MAML2: variants seen among roughly 807,000 people sequenced by gnomAD.
MAML2 encodes mastermind like transcriptional coactivator 2, also known as mastermind-like protein 2.
In MAML2, 22 loss-of-function variants were observed where a neutral mutation model predicts 96.1. The observed-to-expected ratio is 0.23, with a 90% confidence interval of 0.16 to 0.33. The LOEUF (loss-of-function observed/expected upper bound fraction) is 0.33, where lower values mean the gene tolerates loss of function less well. Among genes scored for constraint, MAML2 ranks in the 10% least tolerant of loss-of-function variants. MAML2 has a pLI of 1.00. For synonymous variants in MAML2, 561 were observed against 521.3 expected (o/e 1.08, Z -1.04); for missense variants, 1,367 against 1,392.4 (o/e 0.98, Z 0.29).
Position 96,321,304 on chromosome 11 carries a change from T to A in MAML2, c.513+20079A>T, listed in dbSNP as rs115655457. On this transcript the variant is annotated intron_variant, in intron 1 of 4. Coordinates refer to ENST00000524717, the MANE Select transcript of MAML2 (RefSeq NM_032427.4). ...AATTTGCCTAACACTACTTTTAGAA[T>A]CTTAAATCACGAGAGAAAGATGTCA... Among the ~76,000 whole-genome samples, 1,178 of 152,332 alleles carry A rather than the reference T, an allele frequency of 7.7e-3. 10 individuals are homozygous for A. Among genetic ancestry groups the A allele is most frequent in the African/African-American group, 0.026 (1,089 of 41,576 alleles).
intron 1 of MAML2, among the ~76,000 whole-genome samples, chr11:96,324,218 T>C (rs1863745590): frequency 6.6e-6 from 1 of 152,246 alleles, no homozygotes; most frequent in Non-Finnish European, 1.5e-5. Flanking sequence ...ACTCCACCAC[T>C]TGTGGTTGCA....
chr11:96,240,556 T>TCAA (rs1383682985), intron 1 of MAML2, among the ~76,000 whole-genome samples: 50 of 2,310 alleles, frequency 0.022, 4 homozygotes, highest in East Asian at 0.059. Flanking sequence ...AGACTCCGTC[T>TCAA]CAAAAAAAAA....
At chr11:96,068,629 C>G (rs1859284541) in intron 2 of MAML2, among the ~76,000 whole-genome samples, 1 of 151,968 alleles carries the variant, frequency 6.6e-6, no homozygotes, top group Admixed American at 6.6e-5. Flanking sequence ...GAGATCGAGA[C>G]CATCCTGGCT....
At chr11:96,241,593 C>T (rs1368719049) in intron 1 of MAML2, among the ~76,000 whole-genome samples, 1 of 152,206 alleles carries the variant, frequency 6.6e-6, no homozygotes, top group Non-Finnish European at 1.5e-5. Flanking sequence ...AATAGTGCCA[C>T]GGGTAAGAAA....
At chr11:96,159,493 G>A (rs1163153159) in intron 1 of MAML2, among the ~76,000 whole-genome samples, 2 of 46,438 alleles carry the variant, frequency 4.3e-5, no homozygotes, top group African/African-American at 1.1e-4. Flanking sequence ...GCTGCGAGCC[G>A]AGATCACTGC....
intron 1 of MAML2, among the ~76,000 whole-genome samples, chr11:96,244,697 A>G (rs1358332249): frequency 6.6e-6 from 1 of 152,184 alleles, no homozygotes; most frequent in Admixed American, 6.5e-5. Flanking sequence ...GGTTTGTATC[A>G]TTCATTTGCT....
At chr11:96,161,604 G>C (rs1456843322) in intron 1 of MAML2, among the ~76,000 whole-genome samples, 2 of 152,162 alleles carry the variant, frequency 1.3e-5, no homozygotes, top group Non-Finnish European at 2.9e-5. Context: ...CATGCCAAAA[G>C]AAGAATGTGA....
chr11:96,331,974 A>T (rs1361610644), intron 1 of MAML2, among the ~76,000 whole-genome samples: 1 of 152,138 alleles, frequency 6.6e-6, no homozygotes, highest in African/African-American at 2.4e-5. Flanking sequence ...CAGGATAGAG[A>T]TGAGAGAAGG....
At chr11:95,982,062 G>A (rs935448619) in intron 4 of MAML2, among the ~76,000 whole-genome samples, 1 of 152,086 alleles carries the variant, frequency 6.6e-6, no homozygotes, top group South Asian at 2.1e-4. Flanking sequence ...TCTGGGAAAG[G>A]TAATCATTAT....
chr11:96,128,205 C>T (rs990136249), intron 1 of MAML2, among the ~76,000 whole-genome samples: 1 of 152,046 alleles, frequency 6.6e-6, no homozygotes. Context: ...ATCAGCCTGA[C>T]GAATATGGTG....
At chr11:96,002,454 A>G (rs1858093414) in intron 2 of MAML2, among the ~76,000 whole-genome samples, 1 of 152,196 alleles carries the variant, frequency 6.6e-6, no homozygotes, top group South Asian at 2.1e-4. Flanking sequence ...CCTTTGGCAA[A>G]TAGAATGTCT....
At chr11:96,236,135 G>T (rs1477058863) in intron 1 of MAML2, among the ~76,000 whole-genome samples, 1 of 152,182 alleles carries the variant, frequency 6.6e-6, no homozygotes, top group Non-Finnish European at 1.5e-5. Flanking sequence ...TAGAAATGGG[G>T]CTGCTCACTG....
chr11:96,159,367 A>G (rs1039904819), intron 1 of MAML2, among the ~76,000 whole-genome samples: 2 of 148,760 alleles, frequency 1.3e-5, no homozygotes, highest in Non-Finnish European at 3.0e-5. Flanking sequence ...TCTCCTGTGA[A>G]GCCAATTCAG....
Position 95,979,655 on chromosome 11 carries a change from C to T in MAML2, c.2764G>A (p.Val922Ile). 1 of 1,613,418 alleles carries T rather than the reference C, an allele frequency of 6.2e-7. No homozygotes were observed. The highest frequency in any genetic ancestry group is 8.5e-7 in the Non-Finnish European group (1 of 1,179,826). The change falls in exon 5 of 5, where the codon GTA (valine) becomes ATA (isoleucine). Residue 922 changes from valine (V) to isoleucine (I), a missense_variant. Physicochemically the swap from Val to Ile is conservative, Grantham distance 29. Coordinates refer to ENST00000524717, the MANE Select transcript of MAML2 (RefSeq NM_032427.4). ...PTLGPSNNNN[V>I]ATFGAGSVGN... ...ACAGATCCAGCTCCAAAAGTGGCTA[C>T]ATTGTTATTATTACTTGGCCCTAAG...
chr11:96,038,991 G>A (rs1270646390), intron 2 of MAML2, among the ~76,000 whole-genome samples: 2 of 152,282 alleles, frequency 1.3e-5, no homozygotes, highest in East Asian at 3.9e-4. Flanking sequence ...ATTACTGGTG[G>A]CACACATCTG....
intron 2 of MAML2, among the ~76,000 whole-genome samples, chr11:96,065,206 T>C (rs540180462): frequency 1.3e-5 from 2 of 152,348 alleles, no homozygotes; most frequent in African/African-American, 4.8e-5. Context: ...AAAGTTGCTA[T>C]GAAAATTGCC....
At chr11:96,266,285 T>C (rs1160293165) in intron 1 of MAML2, among the ~76,000 whole-genome samples, 1 of 152,024 alleles carries the variant, frequency 6.6e-6, no homozygotes, top group African/African-American at 2.4e-5. Context: ...AAAAACAACA[T>C]ATTGGCCAGG....
In MAML2 at chr11:96,246,205, A is replaced by ATTAT. The variant is rs572592688; in HGVS notation, c.513+95177_513+95178insATAA. 1.2e-4 allele frequency among the ~76,000 whole-genome samples: 18 copies of ATTAT among 152,230 alleles called. No homozygotes were observed. In the East Asian group the frequency reaches 3.5e-3, roughly 29 times the overall value. ...AAAATGAAGCATAGGGACTCATAAG[A>ATTAT]AAGTTTGTTGAGACTCATAAGAAAG... is the stretch of plus-strand genomic sequence containing the variant. On this transcript the variant is annotated intron_variant, in intron 1 of 4. Coordinates refer to ENST00000524717, the MANE Select transcript of MAML2 (RefSeq NM_032427.4).
At chr11:96,011,214 C>G (rs945442129) in intron 2 of MAML2, among the ~76,000 whole-genome samples, 1 of 152,170 alleles carries the variant, frequency 6.6e-6, no homozygotes, top group Admixed American at 6.5e-5. Context: ...AATTCTATTA[C>G]TGAGTATCTA....
Sources: allele counts gnomAD v4.1 joint callset (sites outside exome capture counted in the v4.1 genomes callset), GRCh38; gene constraint gnomAD v4.1.1; transcripts MANE v1.5; gene names NCBI Gene and HGNC (gene_info 2026-07-23, HGNC 2026-07-21).